Variants in PKM observed in about 807,000 individuals in gnomAD.
The protein encoded by PKM is pyruvate kinase M1/2, also known as pyruvate kinase PKM.
Under a neutral mutation model 49.8 loss-of-function variants are expected in PKM, and 18 were observed. The observed-to-expected ratio is 0.36, with a 90% CI of 0.25 to 0.54. The LOEUF is 0.54. PKM is among the 20% of genes least tolerant of loss of function. PKM has a pLI of 0.89. For synonymous variants in PKM, 239 were observed against 261.8 expected (o/e 0.91, Z 0.84); for missense variants, 508 against 713.8 (o/e 0.71, Z 3.28).
At chr15:72,226,317 G>A (rs2140806289) in intron 1 of PKM, among the ~76,000 whole-genome samples, 1 of 152,254 alleles carries the variant, frequency 6.6e-6, no homozygotes, top group African/African-American at 2.4e-5. Flanking sequence ...CACGAGGTCA[G>A]CAGACTGAGA....
chr15:72,229,919 A>T (rs1301384974), intron 1 of PKM, among the ~76,000 whole-genome samples: 4 of 150,484 alleles, frequency 2.7e-5, no homozygotes, highest in African/African-American at 4.9e-5. Flanking sequence ...ATTAAAAAAA[A>T]AAAAAAGAAA....
At chr15:72,210,041 T>C in intron 4 of PKM, 182 bp from the exon 5 acceptor site, 5 of 664,220 alleles carry the variant, frequency 7.5e-6, no homozygotes, top group Non-Finnish European at 1.4e-5. Flanking sequence ...AAGAAAAGAA[T>C]ATGTTTCAGT....
At chr15:72,205,702 G>A (rs2082059948) in intron 8 of PKM, among the ~76,000 whole-genome samples, 1 of 150,814 alleles carries the variant, frequency 6.6e-6, no homozygotes, top group Admixed American at 6.6e-5. Flanking sequence ...TGGAGGGGCT[G>A]AGGTCAAAGG....
chr15:72,227,757 A>AC (rs1231612854), intron 1 of PKM, among the ~76,000 whole-genome samples: 2 of 132,630 alleles, frequency 1.5e-5, no homozygotes, highest in African/African-American at 6.9e-5. Flanking sequence ...AAAAAAAAAA[A>AC]AAAAAAAAAA....
At chr15:72,222,739 C>T (rs571166411) in intron 1 of PKM, among the ~76,000 whole-genome samples, 2 of 152,280 alleles carry the variant, frequency 1.3e-5, no homozygotes, top group African/African-American at 4.8e-5. Context: ...TATTCTTGAG[C>T]CCGAGCCCCT....
At chr15:72,206,382 G>A in intron 8 of PKM, 1 of 303,496 alleles carries the variant, frequency 3.3e-6, no homozygotes, top group Non-Finnish European at 6.3e-6. Flanking sequence ...CTGAGGAAGA[G>A]GTACAAGACC....
chr15:72,221,205 G>A, intron 1 of PKM: 1 of 1,535,242 alleles, frequency 6.5e-7, no homozygotes, highest in Non-Finnish European at 8.7e-7. Flanking sequence ...GTGACATAAT[G>A]CTCCCCTTTT....
chr15:72,215,141 T>C (rs2082346888), intron 3 of PKM, among the ~76,000 whole-genome samples: 1 of 151,748 alleles, frequency 6.6e-6, no homozygotes, highest in Admixed American at 6.6e-5. Flanking sequence ...GCAGAGGTTG[T>C]GGTGAGCAGA....
chr15:72,217,606 T>C (rs1474785772), intron 2 of PKM, 106 bp from the exon 3 acceptor site: 2 of 754,514 alleles, frequency 2.7e-6, no homozygotes, highest in Non-Finnish European at 4.6e-6. Flanking sequence ...ACTTTTCCTC[T>C]CCCAAATAGC....
intron 1 of PKM, among the ~76,000 whole-genome samples, chr15:72,226,918 C>T (rs1250291339): frequency 6.6e-6 from 1 of 152,234 alleles, no homozygotes; most frequent in Non-Finnish European, 1.5e-5. Context: ...GGGGCTTCAC[C>T]GCACTGCATG....
intron 9 of PKM, chr15:72,201,969 C>G (rs1256192846): frequency 4.7e-6 from 1 of 214,258 alleles, no homozygotes; most frequent in Non-Finnish European, 9.5e-6. Context: ...GCCAAGATAG[C>G]ACAGCAACCT....
At position 72,222,270 on chromosome 15, in the gene PKM, G is replaced by C. The variant is rs2082547105; in HGVS notation, c.-13-3160C>G. On this transcript the variant is annotated intron_variant, in intron 1 of 10. Transcript: ENST00000335181. ...TGTCAGCAAGTTCATCCAGACTCCA[G>C]ATCTCATGTGTCCTTCATGCTCTCT... 2.6e-5 allele frequency among the ~76,000 whole-genome samples: 4 copies of C among 152,206 alleles called. No homozygotes were observed. In the South Asian group the frequency reaches 6.2e-4, roughly 24 times the overall value.
chr15:72,212,283 A>T (rs1375282039), intron 3 of PKM, among the ~76,000 whole-genome samples: 6 of 152,064 alleles, frequency 3.9e-5, no homozygotes, highest in Admixed American at 3.9e-4. Flanking sequence ...GACAACAACC[A>T]GGCCAACATG....
At chr15:72,229,618 A>C in intron 1 of PKM, 1 of 1,269,956 alleles carries the variant, frequency 7.9e-7, no homozygotes, top group South Asian at 1.2e-5. Context: ...TGTGCTTGCC[A>C]CCTGGTGAGA....
intron 8 of PKM, among the ~76,000 whole-genome samples, chr15:72,205,216 C>T (rs1022581315): frequency 2.6e-5 from 4 of 152,020 alleles, no homozygotes; most frequent in Non-Finnish European, 4.4e-5. Flanking sequence ...TGGGTTCAAG[C>T]GATCCTGCTG....
chr15:72,223,458 C>T (rs554208478), intron 1 of PKM, among the ~76,000 whole-genome samples: 4 of 152,136 alleles, frequency 2.6e-5, no homozygotes, highest in Admixed American at 6.5e-5. Context: ...CTTCCTGTGA[C>T]GTCAGTTTGC....
At chr15:72,230,416 G>T (rs957140112) in intron 1 of PKM, among the ~76,000 whole-genome samples, 3 of 152,338 alleles carry the variant, frequency 2.0e-5, no homozygotes, top group African/African-American at 4.8e-5. Flanking sequence ...GATGGAAAAG[G>T]GGGGTGGGAC....
intron 3 of PKM, 24 bp from the exon 4 acceptor site, chr15:72,210,502 C>T: frequency 6.2e-7 from 1 of 1,613,902 alleles, no homozygotes; most frequent in African/African-American, 1.3e-5. Flanking sequence ...AGGAAGATGA[C>T]AAGCGTGCTC....
chr15:72,209,081 T>C, intron 5 of PKM, 190 bp from the exon 6 acceptor site: 2 of 646,572 alleles, frequency 3.1e-6, no homozygotes, highest in Non-Finnish European at 5.5e-6. Flanking sequence ...TGTACCTCAC[T>C]TTCCTCACCC....
Sources: allele counts gnomAD v4.1 joint callset (sites outside exome capture counted in the v4.1 genomes callset), GRCh38; gene constraint gnomAD v4.1.1; transcripts MANE v1.5; gene names NCBI Gene and HGNC (gene_info 2026-07-23, HGNC 2026-07-21).